Variants in OR56A3 observed in about 807,000 individuals in gnomAD.
OR56A3 encodes olfactory receptor family 56 subfamily A member 3.
OR56A3 carries 23 observed loss-of-function variants against 17.5 expected under a neutral mutation model. The observed-to-expected ratio is 1.32, with a 90% CI of 0.95 to 1.87. The LOEUF (loss-of-function observed/expected upper bound fraction) is 1.87, where lower values mean the gene tolerates loss of function less well. Ranked by LOEUF, OR56A3 falls within the 40% of genes most tolerant of loss-of-function variation. The probability of loss-of-function intolerance (pLI) is 0.00; values close to 1 mark genes in which losing one functional copy is unlikely to be tolerated. For synonymous variants in OR56A3, 175 were observed against 150.6 expected, an observed-to-expected ratio of 1.16 and a Z score of -1.19; for missense variants, 366 against 380.1, an observed-to-expected ratio of 0.96 and a Z score of 0.31.
chr11:5,986,004 G>C, the OR56A3 span: 1 of 1,612,758 alleles, frequency 6.2e-7, no homozygotes, highest in Non-Finnish European at 8.5e-7. Context: ...TCACTCCATA[G>C]ACAAGAGGAT....
rs145691758 is a variant in OR56A3 at position 5,950,229 on chromosome 11, C to G, written c.*1935C>G. ...TTTCAAGATCACATCGTTTGTATGA[C>G]AAATCCAGATGTCTACAGTAAGCTG... On this transcript the variant is annotated 3_prime_UTR_variant, in exon 3 of 3. Coordinates refer to ENST00000641160, the MANE Select transcript of OR56A3 (RefSeq NM_001003443.3). 1.8e-3 allele frequency: 278 copies of G among 152,222 alleles called. 3 individuals carry two copies. The highest frequency in any genetic ancestry group is 6.2e-3 in the African/African-American group (256 of 41,564). 9.4% of individuals were successfully genotyped at this position (152,222 alleles called of 1,614,324 possible).
chr11:5,960,613 C>A, the OR56A3 span, among the ~76,000 whole-genome samples: 6 of 152,292 alleles, frequency 3.9e-5, no homozygotes, highest in South Asian at 1.2e-3. Flanking sequence ...TCGCTACAAC[C>A]TCCACCTCCC....
chr11:5,954,278 T>G (rs1847922346), downstream of OR56A3, among the ~76,000 whole-genome samples: 1 of 152,206 alleles, frequency 6.6e-6, no homozygotes, highest in Non-Finnish European at 1.5e-5. Flanking sequence ...TGCCTTTTTA[T>G]CTCTCTTGAT....
the OR56A3 span, chr11:5,999,356 T>C: frequency 6.6e-6 from 1 of 152,212 alleles, no homozygotes; most frequent in Non-Finnish European, 1.5e-5. Flanking sequence ...AATGTGTATA[T>C]AATTTAATGT....
chr11:5,948,167 C>G lies in OR56A3; in HGVS notation c.821C>G (p.Pro274Arg). Residue 274 changes from proline (P) to arginine (R), a missense_variant, in exon 3 of 3, where the codon CCT becomes CGT. Physicochemically the swap from Pro to Arg is moderately radical, Grantham distance 103 (BLOSUM62 -2). Transcript: ENST00000641160. The stretch of plus-strand genomic sequence containing the variant: ...CATGTGGCTAAGAAGAAAGTCTCCC[C>G]TGATGTGCCAGTCTTGCTCAATGTT... ...LTHVAKKKVS[P>R]DVPVLLNVLH... The G allele has an allele frequency of 1.2e-6, 2 of 1,614,226 alleles. No homozygotes were observed. The highest frequency in any genetic ancestry group is 8.5e-7 in the Non-Finnish European group (1 of 1,180,026).
At chr11:5,990,007 A>C in the OR56A3 span, among the ~76,000 whole-genome samples, 1 of 152,222 alleles carries the variant, frequency 6.6e-6, no homozygotes, top group African/African-American at 2.4e-5. Flanking sequence ...GTTGTGCTCA[A>C]ATTCTGTAAG....
At chr11:5,976,149 G>C in the OR56A3 span, among the ~76,000 whole-genome samples, 5 of 151,796 alleles carry the variant, frequency 3.3e-5, no homozygotes, top group African/African-American at 1.2e-4. Flanking sequence ...GGGAGAGGGA[G>C]AGGAAAAGGG....
chr11:5,955,400 A>T (rs1278456654), downstream of OR56A3, among the ~76,000 whole-genome samples: 1 of 152,172 alleles, frequency 6.6e-6, no homozygotes, highest in African/African-American at 2.4e-5. Flanking sequence ...GTATGGGTCT[A>T]CAGCAACCTG....
chr11:6,006,182 G>T, the OR56A3 span: 1 of 152,084 alleles, frequency 6.6e-6, no homozygotes, highest in Non-Finnish European at 1.5e-5. Context: ...ATGTTCTTTT[G>T]GACTTCCAGT....
the OR56A3 span, among the ~76,000 whole-genome samples, chr11:6,014,949 A>G: frequency 2.7e-5 from 4 of 148,530 alleles, no homozygotes; most frequent in Admixed American, 6.8e-5. Flanking sequence ...TTTCTAAGCA[A>G]CAAAGCATTC....
rs1564800576 is a variant in OR56A3 at position 5,951,199 on chromosome 11, C to T, written c.*2905C>T. On this transcript the variant is annotated 3_prime_UTR_variant, in exon 3 of 3. Transcript: ENST00000641160. ...TTGAAGAAGAGTTAAACTTAAGATC[C>T]TAAGGAAGAATGTAAATGGGTATTT... 1 of 151,840 alleles carries T rather than the reference C, an allele frequency of 6.6e-6. No homozygotes were observed. Among genetic ancestry groups the T allele is most frequent in the Non-Finnish European group, 1.5e-5 (1 of 67,954 alleles). The allele number at this position is 151,840 out of a possible 1,614,324, so 9.4% of individuals were successfully genotyped here.
the OR56A3 span, among the ~76,000 whole-genome samples, chr11:5,979,346 C>G: frequency 2.0e-5 from 3 of 149,988 alleles, no homozygotes; most frequent in South Asian, 6.4e-4. Context: ...TCCATATGAT[C>G]TAGGGCTTTT....
the OR56A3 span, chr11:5,999,552 G>C: frequency 6.6e-6 from 1 of 152,170 alleles, no homozygotes; most frequent in Non-Finnish European, 1.5e-5. Flanking sequence ...TCTCCAGACT[G>C]TCTCAATCCT....
At chr11:6,002,246 G>T in the OR56A3 span, 1 of 1,614,128 alleles carries the variant, frequency 6.2e-7, no homozygotes, top group Non-Finnish European at 8.5e-7. Flanking sequence ...AGAGGATGAG[G>T]ATGAAGTGGG....
chr11:6,014,188 A>G, the OR56A3 span, among the ~76,000 whole-genome samples: 1 of 152,202 alleles, frequency 6.6e-6, no homozygotes, highest in African/African-American at 2.4e-5. Context: ...GTCTTCAATA[A>G]CAACCACAGC....
the OR56A3 span, among the ~76,000 whole-genome samples, chr11:5,991,951 G>T: frequency 1.3e-5 from 2 of 152,288 alleles, no homozygotes; most frequent in South Asian, 2.1e-4. Flanking sequence ...AGCCCACAGG[G>T]GTAGGTGATT....
the OR56A3 span, among the ~76,000 whole-genome samples, chr11:6,018,491 G>T: frequency 6.6e-6 from 1 of 151,902 alleles, no homozygotes; most frequent in Non-Finnish European, 1.5e-5. Context: ...TAAAATTATT[G>T]AAACAAATAA....
At chr11:6,012,936 T>C in the OR56A3 span, among the ~76,000 whole-genome samples, 57 of 151,742 alleles carry the variant, frequency 3.8e-4, no homozygotes, top group Non-Finnish European at 5.9e-4. Flanking sequence ...CTGAGATCTG[T>C]GTAGGTTCTG....
intron 1 of OR56A3, among the ~76,000 whole-genome samples, chr11:5,942,749 C>T (rs113308699): frequency 3.9e-5 from 6 of 152,246 alleles, no homozygotes; most frequent in South Asian, 4.1e-4. Context: ...CAGAAAACTA[C>T]GCCCAGAAGA....
Sources: allele counts gnomAD v4.1 joint callset (sites outside exome capture counted in the v4.1 genomes callset), GRCh38; gene constraint gnomAD v4.1.1; transcripts MANE v1.5; gene names NCBI Gene and HGNC (gene_info 2026-07-23, HGNC 2026-07-21).